The following HGF variants were observed in gnomAD, a reference collection of about 807,000 sequenced individuals.
HGF encodes fibroblast-derived tumor cytotoxic factor.
HGF carries 39 observed loss-of-function variants against 111.6 expected under a neutral mutation model. The ratio of observed to expected loss-of-function variants is 0.35; its 90% confidence interval spans 0.27 to 0.46. HGF has a LOEUF of 0.46. HGF is among the 20% of genes least tolerant of loss of function. HGF has a pLI of 1.00. For missense variants in HGF, 735 were observed against 910.5 expected, an observed-to-expected ratio of 0.81 and a Z score of 2.48; for synonymous variants, 285 against 294.8, an observed-to-expected ratio of 0.97 and a Z score of 0.34.
chr7:81,710,729 G>A (rs995370311), intron 12 of HGF, among the ~76,000 whole-genome samples: 5 of 152,006 alleles, frequency 3.3e-5, no homozygotes, highest in Admixed American at 2.6e-4. Flanking sequence ...TTGATTTATT[G>A]AAATCATATC....
intron 1 of HGF, among the ~76,000 whole-genome samples, chr7:81,763,354 A>T (rs1420141181): frequency 6.6e-6 from 1 of 152,120 alleles, no homozygotes; most frequent in Non-Finnish European, 1.5e-5. Flanking sequence ...AATTCTTCTG[A>T]CCTACTCTTT....
chr7:81,710,711 A>G (rs892003176), intron 12 of HGF, among the ~76,000 whole-genome samples: 2 of 152,346 alleles, frequency 1.3e-5, no homozygotes, highest in African/African-American at 4.8e-5. Flanking sequence ...AATATGTCTT[A>G]CCAACATTTG....
In HGF at chr7:81,717,347, T is replaced by C; in HGVS notation, c.1290A>G (p.Pro430=). ...EDLHRHIFWE[P]DASKLNENYC... ...AATTCTCATTCAGCTTACTTGCATC[T>C]GGTTCCCAGAAGATATGACTGTGGA... Residue 430 remains proline (P), a synonymous_variant, in exon 11 of 18, where the codon CCA becomes CCG. Transcript: ENST00000222390. 6.2e-7 allele frequency: 1 copy of C among 1,613,724 alleles called. No individual in the cohort carries two copies. Among genetic ancestry groups the C allele is most frequent in the South Asian group, 1.1e-5 (1 of 91,068 alleles).
chr7:81,711,541 TA>T, intron 11 of HGF, 22 bp from the exon 12 acceptor site: 1 of 1,122,676 alleles, frequency 8.9e-7, no homozygotes. Context: ...AATGTATAGA[TA>T]AATACACAAT....
At chr7:81,706,517 A>C (rs1005681225) in intron 14 of HGF, 90 bp from the exon 15 acceptor site, 198 of 1,059,232 alleles carry the variant, frequency 1.9e-4, no homozygotes, top group Non-Finnish European at 1.7e-4. Flanking sequence ...TAGACTATTA[A>C]GGCACATAAC....
intron 7 of HGF, among the ~76,000 whole-genome samples, chr7:81,738,909 AC>A (rs144066282): frequency 0.1 from 15,296 of 152,040 alleles, 992 homozygotes; most frequent in Middle Eastern, 0.15. Context: ...GGGGCAAACA[AC>A]CCTCTTTGTG....
chr7:81,719,173 T>C (rs1789789656), intron 10 of HGF, among the ~76,000 whole-genome samples: 1 of 152,206 alleles, frequency 6.6e-6, no homozygotes, highest in South Asian at 2.1e-4. Context: ...GTGTCTAATG[T>C]CCTCTTCCTC....
chr7:81,738,907 C>T (rs1787918925), intron 7 of HGF, among the ~76,000 whole-genome samples: 1 of 149,464 alleles, frequency 6.7e-6, no homozygotes, highest in African/African-American at 2.4e-5. Flanking sequence ...AAGGGGCAAA[C>T]AACCCTCTTT....
At chr7:81,709,758 C>A (rs1254595854) in intron 13 of HGF, among the ~76,000 whole-genome samples, 3 of 152,046 alleles carry the variant, frequency 2.0e-5, no homozygotes, top group African/African-American at 4.8e-5. Context: ...TTGACATGAT[C>A]ATGCATAAAC....
At chr7:81,761,856 A>T (rs1289029132) in intron 2 of HGF, among the ~76,000 whole-genome samples, 1 of 152,196 alleles carries the variant, frequency 6.6e-6, no homozygotes, top group South Asian at 2.1e-4. Context: ...TCCACTTCAG[A>T]TCATCAGGCA....
intron 2 of HGF, among the ~76,000 whole-genome samples, chr7:81,759,784 T>C (rs939460106): frequency 3.3e-5 from 5 of 152,082 alleles, no homozygotes; most frequent in Non-Finnish European, 2.9e-5. Flanking sequence ...GCATTTTTAA[T>C]TTAAAGAAAA....
Position 81,705,449 on chromosome 7 carries a change from T to C in HGF, c.1951A>G (p.Thr651Ala), listed in dbSNP as rs2115760467. Residue 651 changes from threonine to alanine, a missense_variant, in exon 17 of 18, where the codon ACT becomes GCT. This residue lies in a region of HGF where 130 missense variants were observed against 129.9 expected (regional missense o/e 1.00). Transcript: ENST00000222390. ...GCACATATTTCAGACTCATTCAGAG[T>C]CACCTTCCCTCGATGATGCTGGCTG... is the stretch of plus-strand genomic sequence containing the variant. ...KCSQHHRGKV[T>A]LNESEICAGA... 6.2e-7 allele frequency: 1 copy of C among 1,612,758 alleles called. No homozygotes were observed. Among genetic ancestry groups the C allele is most frequent in the Non-Finnish European group, 8.5e-7 (1 of 1,179,130 alleles).
Position 81,757,233 on chromosome 7 carries a change from G to T in HGF, c.438C>A (p.Gly146=), listed in dbSNP as rs886062457. The T allele has an allele frequency of 1.7e-5, 28 of 1,608,288 alleles. No individual in the cohort carries two copies. The highest frequency in any genetic ancestry group is 2.3e-5 in the Non-Finnish European group (27 of 1,174,686). The part of the protein sequence containing the change: ...YKGTVSITKS[G]IKCQPWSSMI... ...TGGAACTCCAGGGCTGACATTTGAT[G>T]CCACTCTTAGTGATAGATACTGTTC... Residue 146 remains glycine, a synonymous_variant, in exon 4 of 18, where the codon GGC becomes GGA. Transcript: ENST00000222390.
intron 11 of HGF, among the ~76,000 whole-genome samples, chr7:81,712,748 A>T (rs576228386): frequency 6.6e-6 from 1 of 152,342 alleles, no homozygotes; most frequent in South Asian, 2.1e-4. Flanking sequence ...CCTGAGCTCA[A>T]ATAAGCCAGC....
rs1789312645 is a variant in HGF, at chr7:81,702,649, C to G, written c.2119G>C (p.Val707Leu). ...CAIPNRPGIF[V>L]RVAYYAKWIH... ...CATTTTGCATAATATGCTACTCGGA[C>G]AAAAATACCAGGACGATTTGGAATG... Residue 707 changes from valine to leucine, a missense_variant, in exon 18 of 18, where the codon GTC becomes CTC. Around this residue, in one of 3 missense-constraint regions of HGF, gnomAD observed 52 missense variants for 95.0 expected, o/e 0.55. Coordinates refer to ENST00000222390, the MANE Select transcript of HGF (RefSeq NM_000601.6). The G allele has an allele frequency of 6.2e-7, 1 of 1,611,326 alleles. No individual in the cohort carries two copies. Among genetic ancestry groups the G allele is most frequent in the South Asian group, 1.1e-5 (1 of 91,014 alleles).
At chr7:81,747,874 A>G (rs1788336843) in intron 5 of HGF, among the ~76,000 whole-genome samples, 1 of 152,086 alleles carries the variant, frequency 6.6e-6, no homozygotes, top group South Asian at 2.1e-4. Context: ...TGGAGGCTGC[A>G]CTGAGCCGAG....
rs930806231 is a variant in HGF, at chr7:81,755,934, C to A, written c.482+1255G>T. On this transcript the variant is annotated intron_variant, in intron 4 of 17. Coordinates refer to ENST00000222390, the MANE Select transcript of HGF (RefSeq NM_000601.6). ...TAGGTTTAATCCCAGTGTGGAGCAACAAACTCTTTTTCTTTCTGTGTTGGT... is the reference window on the plus strand; with the variant it reads ...TAGGTTTAATCCCAGTGTGGAGCAAAAAACTCTTTTTCTTTCTGTGTTGGT... The A allele has an allele frequency of 5.9e-5, 41 of 689,240 alleles. No homozygotes were observed. The Admixed American group carries it at 7.2e-4, about 12-fold the overall frequency. The allele number at this position is 689,240 out of a possible 1,614,324, so 42.7% of individuals were successfully genotyped here.
chr7:81,709,539 A>G (rs1789517866), intron 13 of HGF, among the ~76,000 whole-genome samples: 1 of 152,122 alleles, frequency 6.6e-6, no homozygotes, highest in Non-Finnish European at 1.5e-5. Flanking sequence ...TGATTTGCAA[A>G]GTGATTTTAT....
At chr7:81,767,936 C>A (rs1789446388) in intron 1 of HGF, among the ~76,000 whole-genome samples, 1 of 152,080 alleles carries the variant, frequency 6.6e-6, no homozygotes, top group Admixed American at 6.5e-5. Context: ...TTAAAAAAAA[C>A]TATCAAACTG....
Sources: gnomAD v4.1 joint callset for allele counts (sites outside exome capture counted in the v4.1 genomes callset) on GRCh38, gnomAD v4.1.1 for gene constraint, gnomAD v4.1.1 regional missense constraint, MANE v1.5 for transcripts, NCBI Gene and HGNC (gene_info 2026-07-23, HGNC 2026-07-21) for gene names.